The following MINDY3 variants were observed in gnomAD, a reference collection of about 807,000 sequenced individuals.
MINDY3 encodes MINDY lysine 48 deubiquitinase 3.
Under a neutral mutation model 69.2 loss-of-function variants are expected in MINDY3, and 38 were observed. The ratio of observed to expected loss-of-function variants is 0.55; its 90% CI spans 0.42 to 0.72. The LOEUF (loss-of-function observed/expected upper bound fraction) is 0.72, where lower values mean the gene tolerates loss of function less well. MINDY3 is among the 30% of genes least tolerant of loss of function. The pLI is 0.00. For synonymous variants in MINDY3, 192 were observed against 180.1 expected, an observed-to-expected ratio of 1.07 and a Z score of -0.53; for missense variants, 522 against 519.0, an observed-to-expected ratio of 1.01 and a Z score of -0.06.
intron 1 of MINDY3, among the ~76,000 whole-genome samples, chr10:15,852,381 T>C (rs1191577797): frequency 6.6e-6 from 1 of 152,138 alleles, no homozygotes; most frequent in Non-Finnish European, 1.5e-5. Context: ...GAGATGTAAG[T>C]GTGTAGTTCA....
chr10:15,790,254 G>T (rs1837308104), intron 11 of MINDY3, among the ~76,000 whole-genome samples: 1 of 152,092 alleles, frequency 6.6e-6, no homozygotes, highest in Admixed American at 6.6e-5. Flanking sequence ...TTGTAGAAAG[G>T]TCTTTTCTAT....
intron 10 of MINDY3, among the ~76,000 whole-genome samples, chr10:15,808,610 A>G (rs1209286135): frequency 6.6e-6 from 1 of 152,174 alleles, no homozygotes; most frequent in Admixed American, 6.6e-5. Context: ...GTCAGCTCAC[A>G]CAGCAACAGT....
chr10:15,806,395 A>C (rs1214994182), intron 10 of MINDY3, among the ~76,000 whole-genome samples: 1 of 152,152 alleles, frequency 6.6e-6, no homozygotes, highest in African/African-American at 2.4e-5. Context: ...CCAATAATTT[A>C]ATCTTGGGAG....
chr10:15,789,380 A>G, intron 11 of MINDY3, 61 bp from the exon 12 acceptor site: 2 of 1,284,888 alleles, frequency 1.6e-6, no homozygotes, highest in Non-Finnish European at 2.3e-6. Flanking sequence ...AATGCTATTA[A>G]TGCTGATCAG....
intron 1 of MINDY3, among the ~76,000 whole-genome samples, chr10:15,852,107 T>G (rs1365590143): frequency 1.3e-5 from 2 of 152,216 alleles, no homozygotes; most frequent in African/African-American, 4.8e-5. Flanking sequence ...TAGTCTCTCC[T>G]GTCATCCCCT....
At position 15,833,679 on chromosome 10, in the gene MINDY3, T is replaced by C. The variant is rs776980502; in HGVS notation, c.681A>G (p.Gly227=). 4 of 1,611,030 alleles carry C rather than the reference T, an allele frequency of 2.5e-6. No individual in the cohort carries two copies. Among genetic ancestry groups the C allele is most frequent in the Non-Finnish European group, 1.7e-6 (2 of 1,177,638 alleles). The change falls in exon 8 of 15, where the codon GGA becomes GGG. Residue 227 remains glycine, a synonymous_variant. Transcript: ENST00000277632. The stretch of plus-strand genomic sequence containing the variant: ...CATCCCATACATTAGAAACAGCATG[T>C]CCCGTCAGCAGGAGATTAATTAAAC... ...SQSLINLLLT[G]HAVSNVWDGD...
At chr10:15,786,741 C>T (rs1837000299) in intron 12 of MINDY3, 93 bp from the exon 13 acceptor site, 9 of 751,194 alleles carry the variant, frequency 1.2e-5, no homozygotes, top group East Asian at 2.5e-5. Flanking sequence ...ACAACACATT[C>T]GGCTGCCAAA....
intron 9 of MINDY3, among the ~76,000 whole-genome samples, chr10:15,819,518 T>C (rs1267462259): frequency 6.6e-6 from 1 of 152,112 alleles, no homozygotes; most frequent in Admixed American, 6.5e-5. Context: ...GACAGACTAC[T>C]AGGGATAACC....
chr10:15,850,381 T>G (rs547999809), intron 1 of MINDY3, among the ~76,000 whole-genome samples: 240 of 152,326 alleles, frequency 1.6e-3, no homozygotes, highest in Non-Finnish European at 2.9e-3. Flanking sequence ...GTCTGGGAGC[T>G]GGGCAGAACA....
chr10:15,806,489 T>A (rs1438320738), intron 10 of MINDY3, among the ~76,000 whole-genome samples: 1 of 152,136 alleles, frequency 6.6e-6, no homozygotes, highest in Non-Finnish European at 1.5e-5. Flanking sequence ...TTTGCATGAT[T>A]ACAAATTAGT....
intron 1 of MINDY3, among the ~76,000 whole-genome samples, chr10:15,849,738 CTCTT>C (rs1018326360): frequency 1.6e-4 from 25 of 152,194 alleles, no homozygotes; most frequent in African/African-American, 6.0e-4. Flanking sequence ...CCCATCTCCT[CTCTT>C]TATCTTCAAT....
chr10:15,794,463 A>G (rs958978264), intron 11 of MINDY3, among the ~76,000 whole-genome samples: 2 of 152,104 alleles, frequency 1.3e-5, no homozygotes, highest in Admixed American at 6.6e-5. Flanking sequence ...CTTCTTCCTA[A>G]GTCATATATA....
chr10:15,860,062 C>G lies in MINDY3; in HGVS notation c.94+144G>C, dbSNP rs533789659. 4.8e-5 allele frequency: 31 copies of G among 651,996 alleles called. No individual in the cohort carries two copies. In the African/African-American group the frequency reaches 5.6e-4, roughly 12 times the overall value. 40.4% of individuals were successfully genotyped at this position (651,996 alleles called of 1,614,324 possible). On this transcript the variant is annotated intron_variant, in intron 1 of 14. Transcript: ENST00000277632. ...CCCACCAAGGCAAGGCAGGGCGTGT[C>G]TAGAAAGTCCAGCTTCAGCGCTGAG...
At chr10:15,779,196 T>C (rs1836325022) in intron 14 of MINDY3, 55 bp from the exon 15 acceptor site, 9 of 1,530,258 alleles carry the variant, frequency 5.9e-6, no homozygotes, top group Middle Eastern at 1.7e-4. Context: ...CAAATTCTTA[T>C]GTGGAATGAA....
chr10:15,815,345 G>A (rs1476843489), intron 10 of MINDY3, among the ~76,000 whole-genome samples: 2 of 152,152 alleles, frequency 1.3e-5, no homozygotes, highest in Non-Finnish European at 2.9e-5. Context: ...AGGCAATTAT[G>A]TATCTTGCTC....
chr10:15,781,091 G>A (rs1010260401), intron 14 of MINDY3, among the ~76,000 whole-genome samples: 2 of 152,006 alleles, frequency 1.3e-5, no homozygotes, highest in African/African-American at 2.4e-5. Context: ...GCACTCATTC[G>A]CACATTAGAA....
intron 12 of MINDY3, among the ~76,000 whole-genome samples, chr10:15,787,791 G>C (rs188194055): frequency 6.6e-6 from 1 of 152,210 alleles, no homozygotes; most frequent in East Asian, 1.9e-4. Context: ...GCATTTTAAT[G>C]AGTCTGAGTA....
Position 15,778,966 on chromosome 10 carries a change from A to T in MINDY3, c.*26T>A. On this transcript the variant is annotated 3_prime_UTR_variant, in exon 15 of 15. Transcript: ENST00000277632. ...CCTTCTTTCAACATCTGTTATTAAGATCTTCCTTATAAATACTTAGACAAA... is the reference window on the plus strand; with the variant it reads ...CCTTCTTTCAACATCTGTTATTAAGTTCTTCCTTATAAATACTTAGACAAA... 1 of 1,600,842 alleles carries T rather than the reference A, an allele frequency of 6.2e-7. No homozygotes were observed. Among genetic ancestry groups the T allele is most frequent in the Non-Finnish European group, 8.5e-7 (1 of 1,171,378 alleles).
chr10:15,786,412 C>T (rs185908600), intron 13 of MINDY3, 149 bp downstream of exon 13: 114 of 598,330 alleles, frequency 1.9e-4, no homozygotes, highest in Non-Finnish European at 3.4e-4. Flanking sequence ...CACACATTCC[C>T]TCTGTCTGGG....
Sources: gnomAD v4.1 joint callset for allele counts (sites outside exome capture counted in the v4.1 genomes callset) on GRCh38, gnomAD v4.1.1 for gene constraint, MANE v1.5 for transcripts, NCBI Gene and HGNC (gene_info 2026-07-23, HGNC 2026-07-21) for gene names.